MBD5: variants seen among roughly 807,000 people sequenced by gnomAD.
The protein encoded by MBD5 is methyl-CpG binding domain protein 5.
A neutral mutation model predicts 117.3 loss-of-function variants in MBD5; 13 were observed. That is an observed-to-expected ratio of 0.11 (90% confidence interval 0.07 to 0.18). The LOEUF is 0.18. Among genes scored for constraint, MBD5 ranks in the 10% least tolerant of loss-of-function variants. MBD5 has a pLI of 1.00. For synonymous variants in MBD5, 727 were observed against 766.4 expected, an observed-to-expected ratio of 0.95 and a Z score of 0.85; for missense variants, 1,879 against 2,093.8, an observed-to-expected ratio of 0.90 and a Z score of 2.00.
Position 148,021,577 on chromosome 2 carries a change from T to A in MBD5, c.-1032T>A. 1 of 524,428 alleles carries A rather than the reference T, an allele frequency of 1.9e-6. No homozygotes were observed. The highest frequency in any genetic ancestry group is 5.0e-5 in the East Asian group (1 of 19,900). The allele number at this position is 524,428 out of a possible 1,614,324, so 32.5% of individuals were successfully genotyped here. A position where few individuals can be genotyped will look rare whatever the true frequency, so the allele number is the denominator to read the frequency against. On this transcript the variant is annotated 5_prime_UTR_variant, in exon 1 of 14. Coordinates refer to ENST00000642680, the MANE Select transcript of MBD5 (RefSeq NM_001378120.1). Reference sequence around the variant, plus strand: ...ACCCAGGAGCAGCCACTTCCCCAGCTCTCCTCCTCCTCCTTCGCCTCCTCC... The same window carrying A: ...ACCCAGGAGCAGCCACTTCCCCAGCACTCCTCCTCCTCCTTCGCCTCCTCC...
At chr2:148,113,720 A>T (rs1696554911) in intron 1 of MBD5, among the ~76,000 whole-genome samples, 1 of 152,186 alleles carries the variant, frequency 6.6e-6, no homozygotes, top group Non-Finnish European at 1.5e-5. Context: ...AATAATCTGA[A>T]TTATGTCTAC....
In MBD5 at chr2:148,468,638, A is replaced by G. The variant is rs1434236037; in HGVS notation, c.695A>G (p.Tyr232Cys). 2 of 1,613,886 alleles carry G rather than the reference A, an allele frequency of 1.2e-6. No homozygotes were observed. The highest frequency in any genetic ancestry group is 3.3e-5 in the Admixed American group (2 of 59,994). ...CCAGCGTCATCAGGTTCCCAGATAT[A>G]TGGAGATGGTTCAATCTCTCCAAGG... is the stretch of plus-strand genomic sequence containing the variant. ...PSPASSGSQI[Y>C]GDGSISPRTD... The change falls in exon 8 of 14, where the codon TAT becomes TGT. Residue 232 changes from tyrosine to cysteine, a missense_variant. Around this residue, in one of 4 missense-constraint regions of MBD5, gnomAD observed 1,666 missense variants for 1,792.2 expected, o/e 0.93. Coordinates refer to ENST00000642680, the MANE Select transcript of MBD5 (RefSeq NM_001378120.1).
intron 1 of MBD5, among the ~76,000 whole-genome samples, chr2:148,143,855 A>G (rs1031262120): frequency 6.6e-6 from 1 of 151,942 alleles, no homozygotes; most frequent in Non-Finnish European, 1.5e-5. Flanking sequence ...TCTATCATTG[A>G]TGGACATTTG....
chr2:148,118,796 CA>C (rs973409007), intron 1 of MBD5, among the ~76,000 whole-genome samples: 1 of 152,080 alleles, frequency 6.6e-6, no homozygotes, highest in Non-Finnish European at 1.5e-5. Flanking sequence ...GGTGATTTGT[CA>C]CTGACTTTTT....
chr2:148,313,588 G>A (rs1702087998), intron 3 of MBD5, among the ~76,000 whole-genome samples: 1 of 152,182 alleles, frequency 6.6e-6, no homozygotes, highest in South Asian at 2.1e-4. Flanking sequence ...CTGTGGGAGT[G>A]GGATCCACTG....
chr2:148,322,180 A>G (rs189923534), intron 3 of MBD5, among the ~76,000 whole-genome samples: 11 of 152,358 alleles, frequency 7.2e-5, no homozygotes, highest in Non-Finnish European at 1.5e-4. Flanking sequence ...ATAAAGGTAT[A>G]CAACACTGAT....
rs757344714 is a variant in MBD5, at chr2:148,142,537, A to C, written c.-924-36163A>C. 3.3e-5 allele frequency among the ~76,000 whole-genome samples: 5 copies of C among 152,184 alleles called. 1 individual carries two copies. In the South Asian group the frequency reaches 1.0e-3, roughly 32 times the overall value. ...GAGAGAATACTACCCTCACACCCAA[A>C]AATACTTTCCTTGGACTGTTTCTTG... On this transcript the variant is annotated intron_variant, in intron 1 of 13. Transcript: ENST00000642680.
intron 1 of MBD5, among the ~76,000 whole-genome samples, chr2:148,059,280 G>A (rs1558907586): frequency 6.6e-6 from 1 of 151,816 alleles, no homozygotes; most frequent in African/African-American, 2.4e-5. Context: ...TGTGAAAGCC[G>A]GTTCTGACAA....
intron 4 of MBD5, among the ~76,000 whole-genome samples, chr2:148,347,873 T>C (rs919218573): frequency 1.3e-5 from 2 of 151,820 alleles, no homozygotes; most frequent in Non-Finnish European, 2.9e-5. Context: ...AAAATGATAA[T>C]GCAGCTCTTG....
At chr2:148,165,129 C>A (rs79496192) in intron 1 of MBD5, among the ~76,000 whole-genome samples, 63 of 152,204 alleles carry the variant, frequency 4.1e-4, no homozygotes, top group Non-Finnish European at 7.1e-4. Context: ...ATTATGTGCT[C>A]AAATTTGCTA....
intron 3 of MBD5, among the ~76,000 whole-genome samples, chr2:148,242,509 G>A (rs548566843): frequency 6.6e-6 from 1 of 152,182 alleles, no homozygotes; most frequent in South Asian, 2.1e-4. Flanking sequence ...TCTCTTCTGG[G>A]TACACTTAAA....
intron 1 of MBD5, among the ~76,000 whole-genome samples, chr2:148,042,471 T>A (rs1047952615): frequency 2.6e-5 from 4 of 152,012 alleles, no homozygotes; most frequent in Non-Finnish European, 5.9e-5. Context: ...TTTTTTTTTT[T>A]AATGGCCTTG....
chr2:148,053,910 C>CTTTTTTTT (rs35830585), intron 1 of MBD5: 7 of 136,662 alleles, frequency 5.1e-5, no homozygotes, highest in Non-Finnish European at 6.3e-5. Context: ...TTCTTTTTTT[C>CTTTTTTTT]TTTTTTTTTT....
In MBD5 at chr2:148,483,821, A is replaced by G. The variant is rs752280785; in HGVS notation, c.3230A>G (p.Asn1077Ser). 3.3e-5 allele frequency: 51 copies of G among 1,550,450 alleles called. No individual in the cohort carries two copies. The East Asian group carries it at 4.6e-4, about 14-fold the overall frequency. The change falls in exon 9 of 14, where the codon AAT becomes AGT. Residue 1077 changes from asparagine to serine, a missense_variant. Physicochemically the swap from Asn to Ser is conservative, Grantham distance 46. Coordinates refer to ENST00000642680, the MANE Select transcript of MBD5 (RefSeq NM_001378120.1). ...AACCCCCTGTTCCTCCCAGCTGTCA[A>G]TGGGGCCTCAGGATTAATGACCTTG... ...TFNPLFLPAV[N>S]GASGLMTLNP...
intron 3 of MBD5, among the ~76,000 whole-genome samples, chr2:148,306,395 A>G (rs1434501871): frequency 6.6e-6 from 1 of 152,242 alleles, no homozygotes; most frequent in Admixed American, 6.5e-5. Context: ...CATTCCAGTC[A>G]AAGCCTTGGT....
At chr2:148,229,620 C>T (rs185901444) in intron 2 of MBD5, among the ~76,000 whole-genome samples, 1 of 152,132 alleles carries the variant, frequency 6.6e-6, no homozygotes, top group African/African-American at 2.4e-5. Flanking sequence ...TCTGTACTTA[C>T]TCGTAGCTGT....
intron 1 of MBD5, among the ~76,000 whole-genome samples, chr2:148,102,664 T>TAC (rs113654978): frequency 0.39 from 56,588 of 143,552 alleles, 11,497 homozygotes; most frequent in Middle Eastern, 0.52. Context: ...TTGCTTATTT[T>TAC]ACACACACAC....
At chr2:148,055,875 T>C (rs537978413) in intron 1 of MBD5, 1 of 152,330 alleles carries the variant, frequency 6.6e-6, no homozygotes, top group Non-Finnish European at 1.5e-5. Flanking sequence ...CCTTAATTGC[T>C]GTAAGTTTAG....
At chr2:148,196,702 G>A (rs181741484) in intron 2 of MBD5, among the ~76,000 whole-genome samples, 29 of 152,220 alleles carry the variant, frequency 1.9e-4, no homozygotes, top group East Asian at 3.9e-4. Flanking sequence ...TGGGAAATCC[G>A]TGAGCCAGAG....
Sources: gnomAD v4.1 joint callset for allele counts (sites outside exome capture counted in the v4.1 genomes callset) on GRCh38, gnomAD v4.1.1 for gene constraint, gnomAD v4.1.1 regional missense constraint, MANE v1.5 for transcripts, NCBI Gene and HGNC (gene_info 2026-07-23, HGNC 2026-07-21) for gene names.